Variants in CNGB3 observed in about 807,000 individuals in gnomAD.
CNGB3 encodes the protein cyclic nucleotide gated channel subunit beta 3, also known as cyclic nucleotide-gated channel beta-3.
CNGB3 carries 86 observed loss-of-function variants against 92.8 expected under a neutral mutation model. The observed-to-expected ratio is 0.93, with a 90% CI of 0.78 to 1.11. CNGB3 has a LOEUF of 1.11. Among genes scored for constraint, CNGB3 ranks in the 50% least tolerant of loss-of-function variants. The pLI is 0.00. For synonymous variants in CNGB3, 333 were observed against 332.7 expected, an observed-to-expected ratio of 1.00 and a Z score of -0.01; for missense variants, 1,026 against 956.8, an observed-to-expected ratio of 1.07 and a Z score of -0.95.
At position 86,633,035 on chromosome 8, in the gene CNGB3, G is replaced by C. The variant is rs113946563; in HGVS notation, c.1179-142C>G. 1.1e-3 allele frequency: 791 copies of C among 737,738 alleles called. 13 individuals carry two copies. In the South Asian group the frequency reaches 0.012, roughly 11 times the overall value. 45.7% of individuals were successfully genotyped at this position (737,738 alleles called of 1,614,324 possible). A position where few individuals can be genotyped will look rare whatever the true frequency, so the allele number is the denominator to read the frequency against. Reference sequence around the variant, plus strand: ...TTTCTCTAGACAGCACTGGCAAACAGCATGTGTGCTAATGTAAACTTCTTA... The same window carrying C: ...TTTCTCTAGACAGCACTGGCAAACACCATGTGTGCTAATGTAAACTTCTTA... On this transcript the variant is annotated intron_variant, in intron 10 of 17. Transcript: ENST00000320005.
chr8:86,696,589 C>T (rs931091392), intron 3 of CNGB3, among the ~76,000 whole-genome samples: 17 of 152,206 alleles, frequency 1.1e-4, no homozygotes, highest in African/African-American at 3.9e-4. Context: ...GTGGGAGCTG[C>T]GTGTTAGTCC....
At chr8:86,738,328 C>T (rs1465671325) in intron 2 of CNGB3, among the ~76,000 whole-genome samples, 1 of 152,064 alleles carries the variant, frequency 6.6e-6, no homozygotes, top group African/African-American at 2.4e-5. Flanking sequence ...AGATTTTGTC[C>T]TGCAGGCAAT....
At position 86,616,192 on chromosome 8, in the gene CNGB3, T is replaced by A. The variant is rs534474756; in HGVS notation, c.1579-4521A>T. On this transcript the variant is annotated intron_variant, in intron 13 of 17. Coordinates refer to ENST00000320005, the MANE Select transcript of CNGB3 (RefSeq NM_019098.5). ...CATTTGAACCAATCTAAATATGACT[T>A]TTTATTAACATACTTGGATAGCACA... is the stretch of plus-strand genomic sequence containing the variant. Among the ~76,000 whole-genome samples the A allele has an allele frequency of 2.6e-5, 4 of 152,306 alleles. No individual in the cohort carries two copies. In the South Asian group the frequency reaches 8.3e-4, roughly 32 times the overall value.
chr8:86,702,451 A>C (rs988415732), intron 3 of CNGB3, among the ~76,000 whole-genome samples: 1 of 152,198 alleles, frequency 6.6e-6, no homozygotes, highest in Admixed American at 6.5e-5. Flanking sequence ...TTTGACCATG[A>C]AGATTTTATA....
intron 8 of CNGB3, among the ~76,000 whole-genome samples, chr8:86,645,304 A>G (rs1585989632): frequency 6.6e-6 from 1 of 151,168 alleles, no homozygotes; most frequent in Non-Finnish European, 1.5e-5. Flanking sequence ...TTCTGCCTGC[A>G]TGCACTCCTA....
chr8:86,700,914 A>T (rs1226674136), intron 3 of CNGB3, among the ~76,000 whole-genome samples: 1 of 152,228 alleles, frequency 6.6e-6, no homozygotes, highest in Non-Finnish European at 1.5e-5. Context: ...TGCTGGGATT[A>T]CAGGCGTGAG....
intron 6 of CNGB3, chr8:86,659,898 G>A: frequency 2.5e-6 from 1 of 407,100 alleles, no homozygotes; most frequent in Non-Finnish European, 4.9e-6. Context: ...ATTGACAAAG[G>A]ATGTAGACTC....
intron 3 of CNGB3, 24 bp from the exon 4 acceptor site, chr8:86,671,122 T>C (rs777852308): frequency 6.2e-7 from 1 of 1,611,972 alleles, no homozygotes; most frequent in Admixed American, 1.7e-5. Context: ...AAAATGGCAA[T>C]AGAGATGGGC....
intron 4 of CNGB3, among the ~76,000 whole-genome samples, chr8:86,668,873 T>C (rs937447525): frequency 1.3e-5 from 2 of 152,044 alleles, no homozygotes; most frequent in African/African-American, 2.4e-5. Flanking sequence ...GTAAAAATTA[T>C]CCAGGCATGG....
At chr8:86,608,378 G>A (rs980652355) in intron 14 of CNGB3, among the ~76,000 whole-genome samples, 3 of 152,242 alleles carry the variant, frequency 2.0e-5, no homozygotes, top group Non-Finnish European at 2.9e-5. Flanking sequence ...CTGGGAAGAC[G>A]CCCGTTGCCA....
intron 3 of CNGB3, 26 bp downstream of exon 3, chr8:86,726,505 T>A (rs767956095): frequency 6.2e-7 from 1 of 1,613,410 alleles, no homozygotes; most frequent in South Asian, 1.1e-5. Context: ...CTCTAAAATA[T>A]GTTGTGTGTT....
At chr8:86,680,732 A>G (rs1199258469) in intron 3 of CNGB3, among the ~76,000 whole-genome samples, 1 of 152,130 alleles carries the variant, frequency 6.6e-6, no homozygotes, top group Admixed American at 6.6e-5. Flanking sequence ...CTCATAGTGT[A>G]GAAAGAATAC....
At chr8:86,665,867 G>C (rs1003678027) in intron 6 of CNGB3, among the ~76,000 whole-genome samples, 3 of 152,122 alleles carry the variant, frequency 2.0e-5, no homozygotes, top group Non-Finnish European at 4.4e-5. Flanking sequence ...TAACAAACCT[G>C]TATGTGTATC....
In CNGB3 at chr8:86,726,676, C is replaced by A. The variant is rs368017828; in HGVS notation, c.212-19G>T. 4.3e-5 allele frequency: 69 copies of A among 1,612,938 alleles called. No homozygotes were observed. The African/African-American group carries it at 7.9e-4, about 18-fold the overall frequency. On this transcript the variant is annotated intron_variant, in intron 2 of 17. Transcript: ENST00000320005. ...AGTTTGTCTATGAAAAAAAAATTCA[C>A]ATAGATAGAAGAATGTACAACACTC... is the stretch of plus-strand genomic sequence containing the variant.
chr8:86,712,025 A>G (rs925537390), intron 3 of CNGB3, among the ~76,000 whole-genome samples: 2 of 152,054 alleles, frequency 1.3e-5, no homozygotes, highest in African/African-American at 2.4e-5. Context: ...TAGGCTATCA[A>G]TTAAAGTACA....
intron 6 of CNGB3, among the ~76,000 whole-genome samples, chr8:86,655,833 A>T (rs567824748): frequency 6.6e-6 from 1 of 152,168 alleles, no homozygotes; most frequent in Non-Finnish European, 1.5e-5. Context: ...AATTAATTTG[A>T]ATATTGGACT....
At chr8:86,724,821 G>T (rs1436915250) in intron 3 of CNGB3, among the ~76,000 whole-genome samples, 1 of 152,006 alleles carries the variant, frequency 6.6e-6, no homozygotes, top group African/African-American at 2.4e-5. Flanking sequence ...ATGTGCAAAA[G>T]CCTGCGGCAG....
intron 17 of CNGB3, among the ~76,000 whole-genome samples, chr8:86,578,446 C>T (rs1821699184): frequency 6.6e-6 from 1 of 152,128 alleles, no homozygotes; most frequent in African/African-American, 2.4e-5. Context: ...TGAGGGTATA[C>T]TCTGTTTATA....
intron 10 of CNGB3, among the ~76,000 whole-genome samples, chr8:86,633,471 C>G (rs1350555433): frequency 6.6e-6 from 1 of 152,178 alleles, no homozygotes; most frequent in Non-Finnish European, 1.5e-5. Context: ...CTAGCTTGGG[C>G]TTCCTCATAG....
Sources: gnomAD v4.1 joint callset for allele counts (sites outside exome capture counted in the v4.1 genomes callset) on GRCh38, gnomAD v4.1.1 for gene constraint, MANE v1.5 for transcripts, NCBI Gene and HGNC (gene_info 2026-07-23, HGNC 2026-07-21) for gene names.